The following NRXN1 variants were observed in gnomAD, a reference collection of about 807,000 sequenced individuals.
The protein encoded by NRXN1 is neurexin-1.
A neutral mutation model predicts 150.9 loss-of-function variants in NRXN1; 39 were observed. The observed-to-expected ratio is 0.26, with a 90% CI of 0.20 to 0.34. The LOEUF (loss-of-function observed/expected upper bound fraction) is 0.34, where lower values mean the gene tolerates loss of function less well. NRXN1 is among the 10% of genes least tolerant of loss of function. NRXN1 has a pLI of 1.00. For synonymous variants in NRXN1, 924 were observed against 757.0 expected (o/e 1.22, Z -3.62); for missense variants, 1,815 against 1,949.9 (o/e 0.93, Z 1.30).
chr2:51,003,379 G>A (rs756585277), intron 2 of NRXN1, among the ~76,000 whole-genome samples: 14 of 151,918 alleles, frequency 9.2e-5, no homozygotes, highest in Non-Finnish European at 1.0e-4. Context: ...TTTCACATAC[G>A]ATTCTAATTA....
At chr2:50,146,355 C>T (rs144475303) in intron 18 of NRXN1, among the ~76,000 whole-genome samples, 208 of 151,754 alleles carry the variant, frequency 1.4e-3, no homozygotes, top group African/African-American at 4.7e-3. Flanking sequence ...TACAAATCAT[C>T]CTTCTATAAA....
chr2:50,908,744 G>A (rs1684092469), intron 5 of NRXN1, among the ~76,000 whole-genome samples: 1 of 152,178 alleles, frequency 6.6e-6, no homozygotes, highest in East Asian at 1.9e-4. Flanking sequence ...GACTGGAAGT[G>A]GGTCCTTTAG....
chr2:50,358,797 C>T lies in NRXN1; in HGVS notation c.3364+106645G>A, dbSNP rs976469990. 1.3e-5 allele frequency among the ~76,000 whole-genome samples: 2 copies of T among 152,198 alleles called. 1 individual carries two copies. The highest frequency in any genetic ancestry group is 2.9e-5 in the Non-Finnish European group (2 of 68,030). On this transcript the variant is annotated intron_variant, in intron 17 of 22. Coordinates refer to ENST00000401669, the MANE Select transcript of NRXN1 (RefSeq NM_001330078.2). ...ATGTCTCCTGATGGGGAGACACCTC[C>T]CAGCATGGGTTAACAGACAACTCAT...
intron 11 of NRXN1, among the ~76,000 whole-genome samples, chr2:50,529,947 T>G (rs1462499305): frequency 6.6e-6 from 1 of 152,180 alleles, no homozygotes; most frequent in East Asian, 1.9e-4. Context: ...ATGGGATAAT[T>G]TTATATTTTA....
At chr2:50,645,059 T>C (rs1052559196) in intron 5 of NRXN1, among the ~76,000 whole-genome samples, 1 of 151,866 alleles carries the variant, frequency 6.6e-6, no homozygotes, top group Non-Finnish European at 1.5e-5. Context: ...ATACAAAATG[T>C]CTTTTTCCAC....
intron 2 of NRXN1, among the ~76,000 whole-genome samples, chr2:50,994,292 T>A (rs934291843): frequency 7.9e-5 from 12 of 151,974 alleles, no homozygotes; most frequent in African/African-American, 2.7e-4. Flanking sequence ...ATAACCTCCA[T>A]CAAGGCTACA....
intron 2 of NRXN1, among the ~76,000 whole-genome samples, chr2:50,975,674 T>G (rs1695707005): frequency 6.6e-6 from 1 of 152,134 alleles, no homozygotes; most frequent in Non-Finnish European, 1.5e-5. Flanking sequence ...ATTTCTTTGC[T>G]TGCCCTGCGT....
chr2:50,057,388 A>T (rs1693820828), intron 19 of NRXN1, among the ~76,000 whole-genome samples: 1 of 152,166 alleles, frequency 6.6e-6, no homozygotes, highest in Non-Finnish European at 1.5e-5. Flanking sequence ...ATTACTAATT[A>T]ATGGAATCTT....
intron 5 of NRXN1, among the ~76,000 whole-genome samples, chr2:50,684,651 C>A (rs1421153427): frequency 2.6e-5 from 4 of 152,150 alleles, no homozygotes; most frequent in Non-Finnish European, 4.4e-5. Flanking sequence ...CATAAATTGA[C>A]ACATACTGAT....
At chr2:50,598,705 T>C (rs890602186) in intron 8 of NRXN1, among the ~76,000 whole-genome samples, 25 of 147,616 alleles carry the variant, frequency 1.7e-4, no homozygotes, top group African/African-American at 4.4e-4. Flanking sequence ...TATATATATA[T>C]ACATATATAT....
At chr2:49,995,331 T>C (rs1682753221) in intron 21 of NRXN1, among the ~76,000 whole-genome samples, 1 of 152,222 alleles carries the variant, frequency 6.6e-6, no homozygotes, top group Admixed American at 6.5e-5. Flanking sequence ...TTAATAACAT[T>C]GTCATGTGTA....
chr2:50,546,389 A>C (rs916208490), intron 9 of NRXN1, among the ~76,000 whole-genome samples: 17 of 152,144 alleles, frequency 1.1e-4, no homozygotes, highest in Non-Finnish European at 2.2e-4. Flanking sequence ...AAGTTCTACA[A>C]GCCCAGGGGC....
chr2:50,149,197 G>T (rs1202929560), intron 18 of NRXN1, among the ~76,000 whole-genome samples: 1 of 151,658 alleles, frequency 6.6e-6, no homozygotes, highest in East Asian at 1.9e-4. Flanking sequence ...AACATAAGTA[G>T]ACATTGTTCA....
chr2:50,650,433 C>A (rs1035702426), intron 5 of NRXN1, among the ~76,000 whole-genome samples: 5 of 152,064 alleles, frequency 3.3e-5, no homozygotes, highest in African/African-American at 1.2e-4. Context: ...TAAGAAGCTG[C>A]TCTGAAGTTT....
At chr2:50,083,195 T>G (rs1476603077) in intron 19 of NRXN1, among the ~76,000 whole-genome samples, 1 of 152,144 alleles carries the variant, frequency 6.6e-6, no homozygotes, top group African/African-American at 2.4e-5. Context: ...ATAGCAATAA[T>G]GGAACAAAAA....
chr2:50,950,350 T>A (rs1425364167), intron 2 of NRXN1, among the ~76,000 whole-genome samples: 1 of 152,178 alleles, frequency 6.6e-6, no homozygotes, highest in African/African-American at 2.4e-5. Context: ...AGTTATTTTT[T>A]AAAATCAATT....
At chr2:50,136,782 T>G (rs1222667218) in intron 18 of NRXN1, among the ~76,000 whole-genome samples, 1 of 152,180 alleles carries the variant, frequency 6.6e-6, no homozygotes, top group Non-Finnish European at 1.5e-5. Context: ...AAGTGAAAAA[T>G]AATTTATTTA....
intron 17 of NRXN1, among the ~76,000 whole-genome samples, chr2:50,247,410 T>G (rs2066607544): frequency 6.6e-6 from 1 of 152,030 alleles, no homozygotes; most frequent in Non-Finnish European, 1.5e-5. Flanking sequence ...CTCAGAGAAA[T>G]CTGACAGATA....
At chr2:50,216,381 G>T (rs2063402276) in intron 18 of NRXN1, among the ~76,000 whole-genome samples, 1 of 151,824 alleles carries the variant, frequency 6.6e-6, no homozygotes, top group Non-Finnish European at 1.5e-5. Flanking sequence ...TGAGAAGAAG[G>T]GTTCAATTTA....
Sources: gnomAD v4.1 joint callset for allele counts (sites outside exome capture counted in the v4.1 genomes callset) on GRCh38, gnomAD v4.1.1 for gene constraint, MANE v1.5 for transcripts, NCBI Gene and HGNC (gene_info 2026-07-23, HGNC 2026-07-21) for gene names.